TMEM156: variants seen among roughly 807,000 people sequenced by gnomAD.
TMEM156 encodes transmembrane protein 156.
Under a neutral mutation model 30.5 loss-of-function variants are expected in TMEM156, and 28 were observed. That is an observed-to-expected ratio of 0.92 (90% CI 0.68 to 1.26). The LOEUF is 1.26. Among genes scored for constraint, TMEM156 ranks in the 50% most tolerant of loss-of-function variants. The pLI is 0.00. For missense variants in TMEM156, 351 were observed against 340.6 expected (o/e 1.03, Z -0.24); for synonymous variants, 137 against 119.9 (o/e 1.14, Z -0.93).
intron 1 of TMEM156, among the ~76,000 whole-genome samples, chr4:39,008,858 A>T (rs1472211826): frequency 6.6e-6 from 1 of 152,174 alleles, no homozygotes; most frequent in East Asian, 1.9e-4. Context: ...GAACTAAAAC[A>T]TAAGAACAAA....
intron 3 of TMEM156, among the ~76,000 whole-genome samples, chr4:38,989,195 G>A (rs1009737569): frequency 2.0e-5 from 3 of 152,238 alleles, no homozygotes; most frequent in African/African-American, 7.2e-5. Context: ...AGCTATCCAT[G>A]TAGTTCCAAA....
At chr4:39,027,869 G>A (rs537411019) in intron 1 of TMEM156, among the ~76,000 whole-genome samples, 1 of 148,834 alleles carries the variant, frequency 6.7e-6, no homozygotes, top group South Asian at 2.1e-4. Context: ...TGATTCTCCT[G>A]TCTCAGCCTC....
intron 1 of TMEM156, among the ~76,000 whole-genome samples, chr4:39,007,465 T>G (rs901513582): frequency 2.0e-5 from 3 of 152,214 alleles, no homozygotes; most frequent in Middle Eastern, 3.4e-3. Context: ...TTTATTTTTA[T>G]GTTTTGAAAC....
intron 1 of TMEM156, among the ~76,000 whole-genome samples, chr4:39,014,827 A>G (rs1242321046): frequency 2.0e-5 from 3 of 152,040 alleles, no homozygotes; most frequent in African/African-American, 7.2e-5. Context: ...TAAAAAAGAA[A>G]TAAATAAATG....
At chr4:38,988,308 C>T (rs1712146947) in intron 4 of TMEM156, among the ~76,000 whole-genome samples, 1 of 152,194 alleles carries the variant, frequency 6.6e-6, no homozygotes, top group Non-Finnish European at 1.5e-5. Flanking sequence ...ACTGCAACCT[C>T]CACATCCTGG....
intron 5 of TMEM156, among the ~76,000 whole-genome samples, chr4:38,974,068 T>C (rs936642121): frequency 2.0e-5 from 3 of 151,656 alleles, no homozygotes; most frequent in East Asian, 1.9e-4. Context: ...CGTGTGTGTG[T>C]GTGTGTGTGT....
intron 1 of TMEM156, among the ~76,000 whole-genome samples, chr4:39,028,010 G>A (rs2110072950): frequency 6.6e-6 from 1 of 150,388 alleles, no homozygotes; most frequent in South Asian, 2.3e-4. Flanking sequence ...ACCCAGCTTG[G>A]CCTCCCAAAG....
chr4:38,972,310 A>G (rs1334997961), intron 5 of TMEM156, among the ~76,000 whole-genome samples: 1 of 125,486 alleles, frequency 8.0e-6, no homozygotes, highest in Non-Finnish European at 1.6e-5. Context: ...CTAGAGTGCA[A>G]TGGTGCGATC....
At chr4:39,011,695 C>T (rs763979515) in intron 1 of TMEM156, among the ~76,000 whole-genome samples, 12 of 152,096 alleles carry the variant, frequency 7.9e-5, no homozygotes, top group Admixed American at 6.6e-4. Flanking sequence ...ATTGCTTAAA[C>T]CCGGGAGGCG....
intron 1 of TMEM156, among the ~76,000 whole-genome samples, chr4:39,005,631 T>C (rs527748463): frequency 1.1e-4 from 16 of 152,290 alleles, no homozygotes; most frequent in South Asian, 2.1e-4. Flanking sequence ...TATATCCTAA[T>C]TGTGGTGGTA....
chr4:39,020,633 C>T (rs1215219835), intron 1 of TMEM156, among the ~76,000 whole-genome samples: 1 of 152,100 alleles, frequency 6.6e-6, no homozygotes, highest in Non-Finnish European at 1.5e-5. Flanking sequence ...CTCACTGCAA[C>T]CTCCACCTCC....
chr4:38,998,535 C>T (rs1355043192), intron 2 of TMEM156, 105 bp downstream of exon 2: 2 of 1,059,404 alleles, frequency 1.9e-6, no homozygotes, highest in South Asian at 2.4e-5. Context: ...CAGAGCGAGA[C>T]TCCATCTCAA....
At chr4:38,973,926 T>C (rs1560353558) in intron 5 of TMEM156, among the ~76,000 whole-genome samples, 2 of 152,198 alleles carry the variant, frequency 1.3e-5, no homozygotes, top group African/African-American at 4.8e-5. Flanking sequence ...CATTGTATTT[T>C]GTCAAATGCA....
intron 1 of TMEM156, among the ~76,000 whole-genome samples, chr4:38,999,547 TC>T (rs1010335599): frequency 1.4e-4 from 22 of 152,354 alleles, no homozygotes; most frequent in African/African-American, 5.3e-4. Flanking sequence ...GAACAGTATC[TC>T]TGTATCAGTT....
intron 1 of TMEM156, among the ~76,000 whole-genome samples, chr4:39,007,720 G>T (rs112533377): frequency 1.4e-4 from 21 of 152,254 alleles, no homozygotes; most frequent in African/African-American, 4.8e-4. Flanking sequence ...GCCTCCCAAA[G>T]TGCTGAGATT....
At chr4:38,993,039 G>A (rs1028694414) in intron 3 of TMEM156, among the ~76,000 whole-genome samples, 1 of 151,476 alleles carries the variant, frequency 6.6e-6, no homozygotes, top group Non-Finnish European at 1.5e-5. Context: ...GGGATTACAG[G>A]TGTGAGCCAC....
At chr4:39,024,678 G>A (rs922294092) in intron 1 of TMEM156, among the ~76,000 whole-genome samples, 2 of 152,156 alleles carry the variant, frequency 1.3e-5, no homozygotes, top group Non-Finnish European at 1.5e-5. Flanking sequence ...AGGGTAGAGG[G>A]TGGAAGGAGA....
intron 1 of TMEM156, among the ~76,000 whole-genome samples, chr4:39,007,656 A>C (rs1713833955): frequency 6.6e-6 from 1 of 151,798 alleles, no homozygotes; most frequent in African/African-American, 2.4e-5. Context: ...ATGGGGTTTC[A>C]CCATGTTGGC....
In TMEM156 at chr4:38,998,641, T is replaced by G; in HGVS notation, c.357A>C (p.Lys119Asn). 6.2e-7 allele frequency: 1 copy of G among 1,608,714 alleles called. No homozygotes were observed. Among genetic ancestry groups the G allele is most frequent in the East Asian group, 2.2e-5 (1 of 44,664 alleles). ...MDFISQEQTSKVLIRRGSMEV... is the reference protein window; with the variant it reads ...MDFISQEQTSNVLIRRGSMEV... The stretch of plus-strand genomic sequence containing the variant: ...TTCTCACCTTCACTTTGTGTTTACC[T>G]TTTGATGTTTGTTCCTGAGAAATAA... The change falls in exon 2 of 7, where the codon AAA becomes AAC. Residue 119 changes from lysine to asparagine, a missense_variant and splice_region_variant. Physicochemically the swap from Lys to Asn is moderately conservative, Grantham distance 94 (BLOSUM62 0). Coordinates refer to ENST00000381938, the MANE Select transcript of TMEM156 (RefSeq NM_024943.3).
Sources: allele counts gnomAD v4.1 joint callset (sites outside exome capture counted in the v4.1 genomes callset), GRCh38; gene constraint gnomAD v4.1.1; transcripts MANE v1.5; gene names NCBI Gene and HGNC (gene_info 2026-07-23, HGNC 2026-07-21).